The following SRBD1 variants were observed in gnomAD, a reference collection of about 807,000 sequenced individuals.
The protein encoded by SRBD1 is S1 RNA-binding domain-containing protein 1.
SRBD1 carries 88 observed loss-of-function variants against 115.3 expected under a neutral mutation model. The observed-to-expected ratio is 0.76, with a 90% confidence interval of 0.64 to 0.91. The LOEUF (loss-of-function observed/expected upper bound fraction) is 0.91, where lower values mean the gene tolerates loss of function less well. Among genes scored for constraint, SRBD1 ranks in the 40% least tolerant of loss-of-function variants. SRBD1 has a pLI of 0.00. For missense variants in SRBD1, 1,385 were observed against 1,177.4 expected (o/e 1.18, Z -2.58); for synonymous variants, 509 against 407.7 (o/e 1.25, Z -2.99).
At chr2:45,505,046 T>C (rs1670755986) in intron 14 of SRBD1, among the ~76,000 whole-genome samples, 1 of 151,992 alleles carries the variant, frequency 6.6e-6, no homozygotes, top group African/African-American at 2.4e-5. Flanking sequence ...TAAGGACACA[T>C]AAACACAACC....
At chr2:45,464,617 C>G (rs1314418109) in intron 16 of SRBD1, among the ~76,000 whole-genome samples, 1 of 152,140 alleles carries the variant, frequency 6.6e-6, no homozygotes, top group Admixed American at 6.5e-5. Flanking sequence ...AGCTTTGAGA[C>G]AGATTACATT....
intron 9 of SRBD1, among the ~76,000 whole-genome samples, chr2:45,570,568 G>A (rs556704644): frequency 2.1e-4 from 32 of 152,174 alleles, no homozygotes; most frequent in African/African-American, 7.7e-4. Context: ...TAACTGGTAA[G>A]GTAGCAAAAA....
In SRBD1 at chr2:45,418,492, G is replaced by A. The variant is rs776807189; in HGVS notation, c.2206C>T (p.Arg736Ter). The change falls in exon 18 of 21, where the codon CGA (arginine) becomes TGA (stop). Residue 736 changes from arginine to a stop codon, truncating the protein, a stop_gained. Transcript: ENST00000263736. LOFTEE classifies it high-confidence loss of function. ...TTGATAAAGGGTCCATTTTTCTCTC[G>A]CCATTCAATAATATTTTTGGCCCTG... ...ANRAKNIIEW[R>*]EKNGPFINRE... The A allele has an allele frequency of 1.5e-5, 24 of 1,612,800 alleles. No homozygotes were observed. The highest frequency in any genetic ancestry group is 1.8e-5 in the Non-Finnish European group (21 of 1,179,766).
intron 11 of SRBD1, among the ~76,000 whole-genome samples, chr2:45,552,367 G>C (rs1363368663): frequency 1.5e-4 from 23 of 152,052 alleles, no homozygotes; most frequent in Admixed American, 1.4e-3. Flanking sequence ...GAAAAAGAAA[G>C]AGAAAGTACT....
intron 14 of SRBD1, among the ~76,000 whole-genome samples, chr2:45,499,584 C>G (rs1670562686): frequency 6.6e-6 from 1 of 152,138 alleles, no homozygotes; most frequent in African/African-American, 2.4e-5. Context: ...CACTGATCGG[C>G]AGCATTTCCC....
intron 14 of SRBD1, among the ~76,000 whole-genome samples, chr2:45,506,876 G>T (rs948742947): frequency 2.0e-5 from 3 of 152,116 alleles, no homozygotes; most frequent in Admixed American, 2.0e-4. Context: ...CAGGTTTCCA[G>T]TTCTTTAAAA....
chr2:45,448,499 T>C (rs1668895597), intron 16 of SRBD1, among the ~76,000 whole-genome samples: 1 of 152,062 alleles, frequency 6.6e-6, no homozygotes, highest in African/African-American at 2.4e-5. Flanking sequence ...AAATGCAACA[T>C]TTGCATCTCA....
At chr2:45,539,598 TG>T in intron 14 of SRBD1, among the ~76,000 whole-genome samples, 1 of 152,278 alleles carries the variant, frequency 6.6e-6, no homozygotes, top group African/African-American at 2.4e-5. Flanking sequence ...GATGAGAATA[TG>T]GAACTATAAG....
At chr2:45,444,734 T>A (rs181872721) in intron 16 of SRBD1, among the ~76,000 whole-genome samples, 2 of 152,322 alleles carry the variant, frequency 1.3e-5, no homozygotes, top group African/African-American at 4.8e-5. Context: ...TTCCTCTGAA[T>A]GTACTTCTCA....
At chr2:45,606,499 T>C (rs1674279506) in intron 1 of SRBD1, among the ~76,000 whole-genome samples, 1 of 152,180 alleles carries the variant, frequency 6.6e-6, no homozygotes, top group Non-Finnish European at 1.5e-5. Flanking sequence ...GAGGTCTCTC[T>C]ACAAAGTTGG....
intron 15 of SRBD1, among the ~76,000 whole-genome samples, chr2:45,483,387 T>C (rs1330022020): frequency 2.0e-5 from 3 of 152,088 alleles, no homozygotes; most frequent in African/African-American, 4.8e-5. Context: ...CTAAAAGATA[T>C]GCAACCAGAG....
intron 16 of SRBD1, among the ~76,000 whole-genome samples, chr2:45,475,871 G>A (rs1024614032): frequency 6.6e-6 from 1 of 152,100 alleles, no homozygotes; most frequent in African/African-American, 2.4e-5. Context: ...GCTAATTTTT[G>A]TATTCTTAGT....
chr2:45,422,018 G>A (rs1307524811), intron 16 of SRBD1, among the ~76,000 whole-genome samples: 1 of 152,142 alleles, frequency 6.6e-6, no homozygotes, highest in Admixed American at 6.6e-5. Context: ...GCAGCAAAAT[G>A]AAAAGGGAAC....
At chr2:45,495,622 A>G (rs998994096) in intron 14 of SRBD1, among the ~76,000 whole-genome samples, 2 of 152,162 alleles carry the variant, frequency 1.3e-5, no homozygotes, top group Non-Finnish European at 2.9e-5. Flanking sequence ...GAAACTAAAG[A>G]AAAAAACTGC....
chr2:45,579,824 T>TAAA, intron 7 of SRBD1, 51 bp downstream of exon 7: 13 of 1,332,878 alleles, frequency 9.8e-6, no homozygotes, highest in South Asian at 1.8e-5. Context: ...GTTTTTAAAT[T>TAAA]AAAAAAAAAA....
At chr2:45,406,281 C>A (rs1667434751) in intron 19 of SRBD1, among the ~76,000 whole-genome samples, 1 of 151,842 alleles carries the variant, frequency 6.6e-6, no homozygotes, top group South Asian at 2.1e-4. Flanking sequence ...AATACAGAGA[C>A]AATCTGAAGA....
chr2:45,598,567 T>C (rs1364884313), intron 4 of SRBD1, among the ~76,000 whole-genome samples: 1 of 151,100 alleles, frequency 6.6e-6, no homozygotes, highest in Non-Finnish European at 1.5e-5. Context: ...TGAGCACCAC[T>C]GCATTCTAGC....
chr2:45,413,255 G>C lies in SRBD1; in HGVS notation c.2372C>G (p.Ala791Gly). ...CTCAACGTCTGCTGAAGATGTCACA[G>C]CAACTCCTTGAATTTGGCCTGAAGT... ...TETSGQIQGV[A>G]VTSSADVEVT... Residue 791 changes from alanine (A) to glycine (G), a missense_variant, in exon 19 of 21, where the codon GCT (alanine) becomes GGT (glycine). Ala to Gly is a moderately conservative substitution (Grantham distance 60). Coordinates refer to ENST00000263736, the MANE Select transcript of SRBD1 (RefSeq NM_018079.5). 1 of 1,613,904 alleles carries C rather than the reference G, an allele frequency of 6.2e-7. No homozygotes were observed. The highest frequency in any genetic ancestry group is 8.5e-7 in the Non-Finnish European group (1 of 1,179,956).
intron 14 of SRBD1, among the ~76,000 whole-genome samples, chr2:45,541,168 G>A (rs796504704): frequency 2.6e-5 from 4 of 152,360 alleles, no homozygotes; most frequent in East Asian, 3.9e-4. Context: ...TGGCAGGGCA[G>A]GTGGTGCCAT....
Sources: allele counts gnomAD v4.1 joint callset (sites outside exome capture counted in the v4.1 genomes callset), GRCh38; gene constraint gnomAD v4.1.1; transcripts MANE v1.5; gene names NCBI Gene and HGNC (gene_info 2026-07-23, HGNC 2026-07-21).